CERS6: variants seen among roughly 807,000 people sequenced by gnomAD.
The protein encoded by CERS6 is LAG1 homolog, ceramide synthase 6.
In CERS6, 26 loss-of-function variants were observed where a neutral mutation model predicts 56.8. The observed-to-expected ratio is 0.46, with a 90% CI of 0.34 to 0.63. CERS6 has a LOEUF of 0.63. Ranked by LOEUF, CERS6 falls within the 30% of genes least tolerant of loss-of-function variation. The pLI, the probability that CERS6 is intolerant of heterozygous loss-of-function variation, is 0.01. For synonymous variants in CERS6, 164 were observed against 173.3 expected (o/e 0.95, Z 0.42); for missense variants, 415 against 467.5 (o/e 0.89, Z 1.04).
At chr2:168,665,199 A>T (rs1045075269) in intron 4 of CERS6, among the ~76,000 whole-genome samples, 3 of 152,184 alleles carry the variant, frequency 2.0e-5, no homozygotes, top group African/African-American at 7.2e-5. Context: ...GTAAACAGCC[A>T]CAAATTCTAC....
chr2:168,717,790 T>C, intron 7 of CERS6, 82 bp from the exon 8 acceptor site: 1 of 951,164 alleles, frequency 1.1e-6, no homozygotes, highest in South Asian at 1.6e-5. Flanking sequence ...AGGTATATCT[T>C]ATAGGAGATT....
chr2:168,456,394 C>T lies in CERS6; in HGVS notation c.-55C>T. 3 of 1,444,478 alleles carry T rather than the reference C, an allele frequency of 2.1e-6. No homozygotes were observed. Among genetic ancestry groups the T allele is most frequent in the Admixed American group, 2.1e-5 (1 of 47,892 alleles). 89.5% of individuals were successfully genotyped at this position (1,444,478 alleles called of 1,614,324 possible). On this transcript the variant is annotated 5_prime_UTR_variant, in exon 1 of 10. Coordinates refer to ENST00000305747, the MANE Select transcript of CERS6 (RefSeq NM_203463.3). This position sits in a 1 kb window ranked among gnomAD's most constrained non-coding sequence, Gnocchi z 4.1. ...GGCGCGCATCCCCGGGCGCCCTGCG[C>T]GGTGGAGAGCTTGGCGGGCTGCGGG...
intron 6 of CERS6, among the ~76,000 whole-genome samples, chr2:168,696,591 G>A (rs1009801715): frequency 3.9e-5 from 6 of 152,112 alleles, no homozygotes; most frequent in Non-Finnish European, 5.9e-5. Flanking sequence ...TATTTCTCAC[G>A]GTTCTAGAAG....
At chr2:168,620,671 C>T (rs988730949) in intron 3 of CERS6, among the ~76,000 whole-genome samples, 69 of 151,942 alleles carry the variant, frequency 4.5e-4, no homozygotes, top group African/African-American at 1.5e-3. Context: ...AGTTCTGTTA[C>T]TCAGTCTCGT....
Position 168,547,615 on chromosome 2 carries a change from G to A in CERS6, c.190G>A (p.Ala64Thr), listed in dbSNP as rs755919514. 66 of 1,613,258 alleles carry A rather than the reference G, an allele frequency of 4.1e-5. No individual in the cohort carries two copies. The highest frequency in any genetic ancestry group is 1.8e-4 in the South Asian group (16 of 91,036). ...TTTTAGATTTGTAGCCAAACCGTGC[G>A]CCATAGCCCTCAACATTCAGGCCAA... ...IFERFVAKPC[A>T]IALNIQANGP... The change falls in exon 2 of 10, where the codon GCC becomes ACC. Residue 64 changes from alanine to threonine, a missense_variant. Transcript: ENST00000305747.
intron 6 of CERS6, among the ~76,000 whole-genome samples, chr2:168,696,655 C>G (rs1474453348): frequency 6.6e-6 from 1 of 152,182 alleles, no homozygotes; most frequent in Non-Finnish European, 1.5e-5. Flanking sequence ...CAACAGCCCA[C>G]TTTCTCATAG....
chr2:168,583,520 C>A (rs975341), intron 3 of CERS6, among the ~76,000 whole-genome samples: 2 of 152,154 alleles, frequency 1.3e-5, no homozygotes, highest in African/African-American at 4.8e-5. Flanking sequence ...GCAGTTTAAC[C>A]ACATGCTATG....
Position 168,456,317 on chromosome 2 carries a change from G to T in CERS6, c.-132G>T. ...GAGAGCAGCGGCCGCGGAGGAGGCG[G>T]CGGCGGCGGGCGGGAGCAGCGGCGG... On this transcript the variant is annotated 5_prime_UTR_variant, in exon 1 of 10. Transcript: ENST00000305747. This position sits in a 1 kb window ranked among gnomAD's most constrained non-coding sequence, Gnocchi z 4.1. 1 of 391,782 alleles carries T rather than the reference G, an allele frequency of 2.6e-6. No homozygotes were observed. The highest frequency in any genetic ancestry group is 3.8e-6 in the Non-Finnish European group (1 of 263,430). 24.3% of individuals were successfully genotyped at this position (391,782 alleles called of 1,614,324 possible).
intron 1 of CERS6, among the ~76,000 whole-genome samples, chr2:168,466,075 C>T (rs1025568361): frequency 1.3e-5 from 2 of 148,540 alleles, no homozygotes; most frequent in Admixed American, 1.4e-4. Context: ...TTTCCAGAAT[C>T]GTCTGGCATA....
At chr2:168,734,466 C>T (rs1422412027) in intron 8 of CERS6, among the ~76,000 whole-genome samples, 1 of 152,176 alleles carries the variant, frequency 6.6e-6, no homozygotes, top group African/African-American at 2.4e-5. Flanking sequence ...AGGACACTAA[C>T]ACTGAACCAT....
intron 3 of CERS6, among the ~76,000 whole-genome samples, chr2:168,592,120 G>T (rs1044671087): frequency 3.3e-5 from 5 of 152,208 alleles, no homozygotes; most frequent in Admixed American, 6.5e-5. Flanking sequence ...CAAATGGGAG[G>T]AATGTGTATT....
At chr2:168,570,439 G>C (rs1403470898) in intron 3 of CERS6, among the ~76,000 whole-genome samples, 1 of 152,182 alleles carries the variant, frequency 6.6e-6, no homozygotes, top group African/African-American at 2.4e-5. Context: ...TTGAACTTCA[G>C]AGATTTTAAA....
At chr2:168,675,007 T>G (rs10174543) in intron 4 of CERS6, among the ~76,000 whole-genome samples, 6 of 151,756 alleles carry the variant, frequency 4.0e-5, no homozygotes, top group Non-Finnish European at 7.4e-5. Flanking sequence ...GGCGGAGTCT[T>G]GCTGTGTCGC....
chr2:168,604,742 C>T (rs978545911), intron 3 of CERS6, among the ~76,000 whole-genome samples: 2 of 152,132 alleles, frequency 1.3e-5, no homozygotes, highest in African/African-American at 4.8e-5. Context: ...GTGCCTGCTT[C>T]CCCTTTGCCT....
intron 4 of CERS6, among the ~76,000 whole-genome samples, chr2:168,638,216 T>C (rs1684906021): frequency 6.6e-6 from 1 of 152,200 alleles, no homozygotes; most frequent in South Asian, 2.1e-4. Context: ...CATCTCCTAA[T>C]TTTCAGACTG....
chr2:168,553,746 A>G (rs950458074), intron 2 of CERS6, among the ~76,000 whole-genome samples: 4 of 152,196 alleles, frequency 2.6e-5, no homozygotes, highest in Non-Finnish European at 5.9e-5. Context: ...AGTTTTGAAT[A>G]TATTTAAACT....
chr2:168,698,362 A>G (rs886601953), intron 6 of CERS6, among the ~76,000 whole-genome samples: 9 of 151,666 alleles, frequency 5.9e-5, no homozygotes, highest in Non-Finnish European at 1.3e-4. Context: ...AGGAAGCATG[A>G]TACTGGGATC....
At chr2:168,744,076 G>T (rs1420378902) in intron 8 of CERS6, among the ~76,000 whole-genome samples, 1 of 143,434 alleles carries the variant, frequency 7.0e-6, no homozygotes. Context: ...CGGGATCTGG[G>T]CTCACTGCAA....
chr2:168,479,386 A>G lies in CERS6; in HGVS notation c.170+22768A>G, dbSNP rs564918182. Among the ~76,000 whole-genome samples, 131 of 152,256 alleles carry G rather than the reference A, an allele frequency of 8.6e-4. 4 individuals carry two copies. The South Asian group carries it at 0.023, about 27-fold the overall frequency. On this transcript the variant is annotated intron_variant, in intron 1 of 9. Transcript: ENST00000305747. ...CAAGTAGATATGCATGTGTGTGTGT[A>G]TATATAATGTTTAAATTACAGACTT...
Sources: gnomAD v4.1 joint callset for allele counts (sites outside exome capture counted in the v4.1 genomes callset) on GRCh38, gnomAD v4.1.1 for gene constraint, Gnocchi (gnomAD v3.1) non-coding constraint, MANE v1.5 for transcripts, NCBI Gene and HGNC (gene_info 2026-07-23, HGNC 2026-07-21) for gene names.